The following TBX15 variants were observed in gnomAD, a reference collection of about 807,000 sequenced individuals.
The protein encoded by TBX15 is T-box transcription factor 15.
In TBX15, 18 loss-of-function variants were observed where a neutral mutation model predicts 53.9. The ratio of observed to expected loss-of-function variants is 0.33; its 90% confidence interval spans 0.23 to 0.49. The LOEUF (loss-of-function observed/expected upper bound fraction) is 0.49, where lower values mean the gene tolerates loss of function less well. Ranked by LOEUF, TBX15 falls within the 20% of genes least tolerant of loss-of-function variation. The pLI is 0.98. For missense variants in TBX15, 692 were observed against 749.5 expected, an observed-to-expected ratio of 0.92 and a Z score of 0.90; for synonymous variants, 295 against 278.0, an observed-to-expected ratio of 1.06 and a Z score of -0.61.
Position 118,883,472 on chromosome 1 carries a change from C to T in TBX15, c.*1260G>A, listed in dbSNP as rs184157101. 1 of 152,304 alleles carries T rather than the reference C, an allele frequency of 6.6e-6. No homozygotes were observed. The highest frequency in any genetic ancestry group is 1.5e-5 in the Non-Finnish European group (1 of 68,026). The allele number at this position is 152,304 out of a possible 1,614,324, so 9.4% of individuals were successfully genotyped here. A position where few individuals can be genotyped will look rare whatever the true frequency, so the allele number is the denominator to read the frequency against. On this transcript the variant is annotated 3_prime_UTR_variant, in exon 8 of 8. Coordinates refer to ENST00000369429, the MANE Select transcript of TBX15 (RefSeq NM_001330677.2). ...GGTATAGAAGACCCATCTGCAATTCCCTGGGACATGAGGGGATATTTCCTG... is the reference window on the plus strand; with the variant it reads ...GGTATAGAAGACCCATCTGCAATTCTCTGGGACATGAGGGGATATTTCCTG...
chr1:118,889,544 G>A (rs1315987495), intron 7 of TBX15, among the ~76,000 whole-genome samples: 1 of 152,142 alleles, frequency 6.6e-6, no homozygotes, highest in Non-Finnish European at 1.5e-5. Flanking sequence ...TACCTGCCAG[G>A]TCCCGAGTGC....
At chr1:118,969,149 C>T (rs964967042) in intron 1 of TBX15, among the ~76,000 whole-genome samples, 3 of 152,174 alleles carry the variant, frequency 2.0e-5, no homozygotes, top group African/African-American at 7.2e-5. Context: ...GGACTCATTC[C>T]CTGTACCTAC....
chr1:118,956,735 G>A (rs925028130), intron 1 of TBX15, among the ~76,000 whole-genome samples: 1 of 151,994 alleles, frequency 6.6e-6, no homozygotes, highest in African/African-American at 2.4e-5. Context: ...GGAAGATCAC[G>A]AGGTCAGGAG....
chr1:118,957,596 C>T (rs2645289), intron 1 of TBX15, among the ~76,000 whole-genome samples: 145,547 of 152,296 alleles, frequency 0.96, 69,606 homozygotes, highest in East Asian at 1. Context: ...ACATTAGGTA[C>T]ATCTCCTAAA....
chr1:118,900,816 G>A (rs893252214), intron 6 of TBX15, among the ~76,000 whole-genome samples: 9 of 152,080 alleles, frequency 5.9e-5, no homozygotes, highest in African/African-American at 2.2e-4. Flanking sequence ...AAATAGATAG[G>A]CCAGGCTTAG....
At chr1:118,978,937 GT>G (rs539193203) in intron 1 of TBX15, among the ~76,000 whole-genome samples, 57 of 152,176 alleles carry the variant, frequency 3.7e-4, no homozygotes, top group Non-Finnish European at 7.6e-4. Flanking sequence ...TGGCTCAAAT[GT>G]TTGCCCCTCC....
At chr1:118,931,918 A>G (rs1655801524) in intron 1 of TBX15, 86 bp from the exon 2 acceptor site, 3 of 1,355,352 alleles carry the variant, frequency 2.2e-6, no homozygotes, top group Middle Eastern at 5.1e-4. Flanking sequence ...GGGAAATGCA[A>G]TGAAGTGGGG....
chr1:118,923,341 T>A lies in TBX15; in HGVS notation c.861+95A>T. ...TTAGTGGACTAAGGGTTGTTGTATGTCAAATTCCCCTGAAAGTAAATAATA... is the reference window on the plus strand; with the variant it reads ...TTAGTGGACTAAGGGTTGTTGTATGACAAATTCCCCTGAAAGTAAATAATA... On this transcript the variant is annotated intron_variant, in intron 5 of 7. Coordinates refer to ENST00000369429, the MANE Select transcript of TBX15 (RefSeq NM_001330677.2). The A allele has an allele frequency of 2.0e-6, 3 of 1,507,844 alleles. No homozygotes were observed. The South Asian group carries it at 3.5e-5, about 18-fold the overall frequency. The allele number at this position is 1,507,844 out of a possible 1,614,324, so 93.4% of individuals were successfully genotyped here. A position where few individuals can be genotyped will look rare whatever the true frequency, so the allele number is the denominator to read the frequency against.
At chr1:118,898,485 A>G (rs1654506108) in intron 7 of TBX15, among the ~76,000 whole-genome samples, 1 of 152,144 alleles carries the variant, frequency 6.6e-6, no homozygotes, top group Admixed American at 6.6e-5. Context: ...GTAGGGGGGA[A>G]AGTCTACTTA....
chr1:118,975,385 C>T (rs1271117676), intron 1 of TBX15, among the ~76,000 whole-genome samples: 2 of 152,210 alleles, frequency 1.3e-5, no homozygotes, highest in Non-Finnish European at 1.5e-5. Context: ...TAAATAACCT[C>T]TCTCTCATTC....
intron 1 of TBX15, among the ~76,000 whole-genome samples, chr1:118,938,986 T>C (rs1482789031): frequency 6.6e-6 from 1 of 152,152 alleles, no homozygotes; most frequent in Non-Finnish European, 1.5e-5. Context: ...TGCCTATCAA[T>C]AGTAGATTGG....
At chr1:118,960,966 A>G (rs552130737) in intron 1 of TBX15, among the ~76,000 whole-genome samples, 1 of 152,338 alleles carries the variant, frequency 6.6e-6, no homozygotes, top group South Asian at 2.1e-4. Context: ...CCATGGACAG[A>G]GATCTGCAGG....
intron 1 of TBX15, among the ~76,000 whole-genome samples, chr1:118,972,303 C>T (rs193065019): frequency 5.3e-5 from 8 of 152,220 alleles, no homozygotes; most frequent in African/African-American, 1.9e-4. Context: ...TTTGGATTTA[C>T]ACATCATGTC....
chr1:118,921,125 G>C (rs1655411957), intron 5 of TBX15, among the ~76,000 whole-genome samples: 1 of 152,072 alleles, frequency 6.6e-6, no homozygotes, highest in South Asian at 2.1e-4. Flanking sequence ...GCTGCAGTGA[G>C]CCATGTTCAC....
chr1:118,963,344 G>A (rs556023984), intron 1 of TBX15, among the ~76,000 whole-genome samples: 4 of 152,258 alleles, frequency 2.6e-5, no homozygotes, highest in East Asian at 3.9e-4. Flanking sequence ...CCTTTACAAT[G>A]TCTTCCTAAA....
intron 1 of TBX15, among the ~76,000 whole-genome samples, chr1:118,961,361 C>T (rs1656865844): frequency 1.3e-5 from 2 of 152,166 alleles, no homozygotes; most frequent in Non-Finnish European, 2.9e-5. Flanking sequence ...GAGTGTGATT[C>T]ATTCTCTCCA....
intron 7 of TBX15, among the ~76,000 whole-genome samples, chr1:118,891,391 A>G (rs541400806): frequency 6.6e-6 from 1 of 152,036 alleles, no homozygotes; most frequent in African/African-American, 2.4e-5. Flanking sequence ...TTTCTCCCCT[A>G]CTTGTTTTAC....
chr1:118,934,054 A>G (rs1017781209), intron 1 of TBX15, among the ~76,000 whole-genome samples: 1 of 152,182 alleles, frequency 6.6e-6, no homozygotes, highest in African/African-American at 2.4e-5. Context: ...GACTACGGCT[A>G]GAGAATTATG....
chr1:118,954,484 A>AATC (rs1260941632), intron 1 of TBX15, among the ~76,000 whole-genome samples: 1 of 152,214 alleles, frequency 6.6e-6, no homozygotes, highest in Non-Finnish European at 1.5e-5. Context: ...AGCAATGTCT[A>AATC]ATCAAAAGCC....
Sources: gnomAD v4.1 joint callset for allele counts (sites outside exome capture counted in the v4.1 genomes callset) on GRCh38, gnomAD v4.1.1 for gene constraint, MANE v1.5 for transcripts, NCBI Gene and HGNC (gene_info 2026-07-23, HGNC 2026-07-21) for gene names.